The following ATP2B1 variants were observed in gnomAD, a reference collection of about 807,000 sequenced individuals.
The protein encoded by ATP2B1 is ATPase plasma membrane Ca2+ transporting 1.
A neutral mutation model predicts 124.2 loss-of-function variants in ATP2B1; 14 were observed. The observed-to-expected ratio is 0.11, with a 90% confidence interval of 0.07 to 0.18. The LOEUF (loss-of-function observed/expected upper bound fraction) is 0.18. ATP2B1 is among the 10% of genes least tolerant of loss of function. ATP2B1 has a pLI of 1.00. For missense variants in ATP2B1, 763 were observed against 1,466.1 expected (o/e 0.52, Z 7.83); for synonymous variants, 449 against 492.4 (o/e 0.91, Z 1.17).
chr12:89,692,639 C>T (rs546875040), intron 1 of ATP2B1, among the ~76,000 whole-genome samples: 27 of 152,254 alleles, frequency 1.8e-4, no homozygotes, highest in African/African-American at 6.5e-4. Context: ...AATCTGCAAG[C>T]TTGCTGTTTT....
chr12:89,644,848 T>G (rs1464365710), intron 2 of ATP2B1, among the ~76,000 whole-genome samples: 1 of 152,200 alleles, frequency 6.6e-6, no homozygotes, highest in East Asian at 1.9e-4. Flanking sequence ...AACATATTGG[T>G]TATAACAGGG....
chr12:89,692,419 A>G (rs757779382), intron 1 of ATP2B1, among the ~76,000 whole-genome samples: 3 of 152,150 alleles, frequency 2.0e-5, no homozygotes, highest in East Asian at 1.9e-4. Context: ...CTTTCTCCCT[A>G]TATCTGCATG....
intron 14 of ATP2B1, 81 bp from the exon 15 acceptor site, chr12:89,610,124 T>C: frequency 7.9e-7 from 1 of 1,268,694 alleles, no homozygotes; most frequent in Non-Finnish European, 1.1e-6. Context: ...GACGTCGGTT[T>C]TATAGACTCA....
chr12:89,656,872 T>A (rs1886018206), intron 1 of ATP2B1, among the ~76,000 whole-genome samples: 2 of 152,192 alleles, frequency 1.3e-5, no homozygotes, highest in African/African-American at 4.8e-5. Flanking sequence ...TTTCCCTCCA[T>A]CTACAGTATT....
intron 1 of ATP2B1, among the ~76,000 whole-genome samples, chr12:89,681,433 T>C (rs953795624): frequency 6.7e-6 from 1 of 148,682 alleles, no homozygotes; most frequent in African/African-American, 2.5e-5. Context: ...CAGGCTGGAG[T>C]GCAGTGGCGT....
chr12:89,599,011 G>A, intron 20 of ATP2B1, 106 bp downstream of exon 20: 1 of 1,316,134 alleles, frequency 7.6e-7, no homozygotes, highest in Admixed American at 2.3e-5. Context: ...CAATTTGTGG[G>A]TTGGGAAGGC....
chr12:89,642,990 A>C (rs1335865661), intron 2 of ATP2B1, among the ~76,000 whole-genome samples: 1 of 151,660 alleles, frequency 6.6e-6, no homozygotes, highest in African/African-American at 2.4e-5. Flanking sequence ...GATGGTTTTC[A>C]TATTGGAGTT....
intron 3 of ATP2B1, among the ~76,000 whole-genome samples, chr12:89,636,931 C>A (rs1476727617): frequency 6.6e-6 from 1 of 152,154 alleles, no homozygotes; most frequent in Non-Finnish European, 1.5e-5. Flanking sequence ...TTCTGTTTAA[C>A]AGTCAAGGCT....
intron 15 of ATP2B1, among the ~76,000 whole-genome samples, chr12:89,605,512 T>C (rs2854369): frequency 0.96 from 145,742 of 152,280 alleles, 69,782 homozygotes; most frequent in East Asian, 0.99. Context: ...AGCATGAAGG[T>C]CCTCACCAGA....
At chr12:89,662,137 CTT>C (rs74395562) in intron 1 of ATP2B1, among the ~76,000 whole-genome samples, 38 of 139,038 alleles carry the variant, frequency 2.7e-4, no homozygotes, top group Admixed American at 7.3e-4. Context: ...ATCTTTCTTT[CTT>C]TTTTTTTTTT....
At chr12:89,617,318 T>C (rs17381194) in intron 11 of ATP2B1, among the ~76,000 whole-genome samples, 15,816 of 152,202 alleles carry the variant, frequency 0.1, 1,128 homozygotes, top group Non-Finnish European at 0.15. Context: ...CAAACTTTCA[T>C]AAAGAATCCC....
At position 89,603,413 on chromosome 12, in the gene ATP2B1, T is replaced by C; in HGVS notation, c.2849-159A>G. The C allele has an allele frequency of 1.4e-6, 1 of 691,114 alleles. No homozygotes were observed. The highest frequency in any genetic ancestry group is 2.4e-6 in the Non-Finnish European group (1 of 424,832). 42.8% of individuals were successfully genotyped at this position (691,114 alleles called of 1,614,324 possible). ...GATTATCTAGTACAACTCTCTTGTT[T>C]TATAGGCAAGGAAACAGAAGCTCCC... On this transcript the variant is annotated intron_variant, in intron 17 of 20. Transcript: ENST00000428670. This position sits in a 1 kb window ranked among gnomAD's most constrained non-coding sequence, Gnocchi z 4.3.
At chr12:89,639,645 A>C (rs1006132880) in intron 3 of ATP2B1, among the ~76,000 whole-genome samples, 2 of 151,724 alleles carry the variant, frequency 1.3e-5, no homozygotes, top group African/African-American at 4.8e-5. Context: ...AAAAATCTTT[A>C]TATGTTTCAT....
At chr12:89,663,513 A>G (rs531179957) in intron 1 of ATP2B1, among the ~76,000 whole-genome samples, 62 of 416 alleles carry the variant, frequency 0.15, no homozygotes, top group East Asian at 0.47. Flanking sequence ...ACATGGTAAT[A>G]AAGTTGGCAA....
In ATP2B1 at chr12:89,590,140, C is replaced by G. The variant is rs1250775661; in HGVS notation, c.*844G>C. On this transcript the variant is annotated 3_prime_UTR_variant, in exon 21 of 21. Transcript: ENST00000428670. The stretch of plus-strand genomic sequence containing the variant: ...ATTAAACAATCTACTAAATTCTGAA[C>G]AAAAGGTTATTAGCAAGTTTTCAAA... 6.6e-6 allele frequency: 1 copy of G among 152,494 alleles called. No homozygotes were observed. The highest frequency in any genetic ancestry group is 1.5e-5 in the Non-Finnish European group (1 of 67,990). The allele number at this position is 152,494 out of a possible 1,614,324, so 9.4% of individuals were successfully genotyped here. A position where few individuals can be genotyped will look rare whatever the true frequency, so the allele number is the denominator to read the frequency against.
intron 6 of ATP2B1, among the ~76,000 whole-genome samples, chr12:89,629,685 G>A (rs1881540703): frequency 6.6e-6 from 1 of 152,166 alleles, no homozygotes; most frequent in Non-Finnish European, 1.5e-5. Flanking sequence ...ATATTCATGT[G>A]AGAAACAACA....
rs1366342199 is a variant in ATP2B1, at chr12:89,655,692, T to C, written c.195A>G (p.Thr65=). 6.2e-7 allele frequency: 1 copy of C among 1,614,046 alleles called. No homozygotes were observed. Among genetic ancestry groups the C allele is most frequent in the Non-Finnish European group, 8.5e-7 (1 of 1,179,904 alleles). The part of the protein sequence containing the change: ...DVYGICTKLK[T]SPNEGLSGNP... Reference sequence around the variant, plus strand: ...AATAAAACTCACCTTCATTGGGAGATGTTTTCAATTTGGTGCAAATTCCAT... The same window carrying C: ...AATAAAACTCACCTTCATTGGGAGACGTTTTCAATTTGGTGCAAATTCCAT... Residue 65 remains threonine, a synonymous_variant, in exon 2 of 21, where the codon ACA becomes ACG. Coordinates refer to ENST00000428670, the MANE Select transcript of ATP2B1 (RefSeq NM_001366521.1).
chr12:89,695,300 A>G (rs1005525594), intron 1 of ATP2B1, among the ~76,000 whole-genome samples: 2 of 152,064 alleles, frequency 1.3e-5, no homozygotes, highest in Non-Finnish European at 2.9e-5. Flanking sequence ...AAAAAAGGAA[A>G]CCAAGAAGGA....
intron 1 of ATP2B1, among the ~76,000 whole-genome samples, chr12:89,702,388 T>C (rs1039027275): frequency 6.6e-5 from 10 of 152,250 alleles, no homozygotes; most frequent in South Asian, 2.1e-4. Context: ...AAATAGGTTA[T>C]TGAAAAACAA....
Sources: allele counts gnomAD v4.1 joint callset (sites outside exome capture counted in the v4.1 genomes callset), GRCh38; gene constraint gnomAD v4.1.1; non-coding constraint Gnocchi (gnomAD v3.1); transcripts MANE v1.5; gene names NCBI Gene and HGNC (gene_info 2026-07-23, HGNC 2026-07-21).